PHACTR2: variants seen among roughly 807,000 people sequenced by gnomAD.
The protein encoded by PHACTR2 is chromosome 6 open reading frame 56.
Under a neutral mutation model 76.0 loss-of-function variants are expected in PHACTR2, and 30 were observed. That is an observed-to-expected ratio of 0.39 (90% confidence interval 0.30 to 0.54). PHACTR2 has a LOEUF of 0.54. PHACTR2 is among the 20% of genes least tolerant of loss of function. The pLI is 0.61. For synonymous variants in PHACTR2, 292 were observed against 292.5 expected (o/e 1.00, Z 0.02); for missense variants, 696 against 781.1 (o/e 0.89, Z 1.30).
At chr6:143,601,251 A>C (rs1478591765) in intron 1 of PHACTR2, among the ~76,000 whole-genome samples, 1 of 152,270 alleles carries the variant, frequency 6.6e-6, no homozygotes, top group African/African-American at 2.4e-5. Context: ...AAGAAAGCCC[A>C]GAATCTTCTT....
chr6:143,627,129 A>G lies in PHACTR2; in HGVS notation c.13+18807A>G, dbSNP rs977185696. Among the ~76,000 whole-genome samples, 24 of 152,196 alleles carry G rather than the reference A, an allele frequency of 1.6e-4. No homozygotes were observed. Among genetic ancestry groups the G allele is most frequent in the African/African-American group, 5.8e-4 (24 of 41,452 alleles). ...GGAAGTGCTTAGGTATCTATGAACC[A>G]AACAAGTTAGAAGGTCCAGGAGGGA... is the stretch of plus-strand genomic sequence containing the variant. On this transcript the variant is annotated intron_variant, in intron 1 of 11. Coordinates refer to the PHACTR2 transcript ENST00000305766. This position sits in a 1 kb window ranked among gnomAD's most constrained non-coding sequence, Gnocchi z 4.3.
intron 2 of PHACTR2, among the ~76,000 whole-genome samples, chr6:143,729,783 T>C (rs1380749176): frequency 1.3e-5 from 2 of 152,174 alleles, no homozygotes; most frequent in Non-Finnish European, 2.9e-5. Context: ...TTGGTGATAT[T>C]TTCTGCCAGG....
rs1166912214 is a variant in PHACTR2, at chr6:143,739,281, T to C, written c.215-9704T>C. On this transcript the variant is annotated intron_variant, in intron 2 of 12. Transcript: ENST00000440869. The surrounding 1 kb of genome is among the most constrained non-coding windows in gnomAD (Gnocchi z 4.3). The stretch of plus-strand genomic sequence containing the variant: ...GGTTTCACCATGTTAGCCAGGATGG[T>C]CTCGATCTGCTGACCTCATGATCCA... 6.6e-6 allele frequency among the ~76,000 whole-genome samples: 1 copy of C among 152,160 alleles called. No homozygotes were observed. Among genetic ancestry groups the C allele is most frequent in the African/African-American group, 2.4e-5 (1 of 41,430 alleles).
At position 143,671,255 on chromosome 6, in the gene PHACTR2, G is replaced by A. The variant is rs540970894; in HGVS notation, c.14-40761G>A. On this transcript the variant is annotated intron_variant, in intron 1 of 11. Transcript: ENST00000305766. This position sits in a 1 kb window ranked among gnomAD's most constrained non-coding sequence, Gnocchi z 4.6. ...CCAAAGTCTTTATAGTTAACTGCAA[G>A]GTCCTATGTGGTTATAATCTCCTTC... Among the ~76,000 whole-genome samples the A allele has an allele frequency of 6.6e-6, 1 of 152,100 alleles. No individual in the cohort carries two copies. The highest frequency in any genetic ancestry group is 2.1e-4 in the South Asian group (1 of 4,798).
At chr6:143,704,487 T>G (rs899662280) in intron 1 of PHACTR2, among the ~76,000 whole-genome samples, 1 of 152,184 alleles carries the variant, frequency 6.6e-6, no homozygotes, top group Non-Finnish European at 1.5e-5. Context: ...GAAAAAAATC[T>G]TTATCCTCAT....
chr6:143,712,845 G>A (rs1251067755), intron 2 of PHACTR2, among the ~76,000 whole-genome samples: 1 of 152,142 alleles, frequency 6.6e-6, no homozygotes, highest in Non-Finnish European at 1.5e-5. Flanking sequence ...AATTTAGTTT[G>A]TAGATTTGTG....
At chr6:143,768,599 T>C (rs541412066) in intron 6 of PHACTR2, among the ~76,000 whole-genome samples, 1 of 152,308 alleles carries the variant, frequency 6.6e-6, no homozygotes, top group South Asian at 2.1e-4. Context: ...CACAAATATT[T>C]AAGGAGTTCA....
rs1562679286 is a variant in PHACTR2, at chr6:143,544,268, G to GGGAGGGGGAAAGAAGGAAGGAAGGCA, written c.217+7063_217+7064insAGGGGGAAAGAAGGAAGGAAGGCAGG. Among the ~76,000 whole-genome samples the GGGAGGGGGAAAGAAGGAAGGAAGGCA allele has an allele frequency of 1.3e-4, 17 of 131,232 alleles. No individual in the cohort carries two copies. The East Asian group carries it at 4.1e-3, about 31-fold the overall frequency. 86.1% of individuals were successfully genotyped at this position (131,232 alleles called of 152,430 possible). The stretch of plus-strand genomic sequence containing the variant: ...GGAGGGAGTGGGAAGGAAGGAAGGC[G>GGGAGGGGGAAAGAAGGAAGGAAGGCA]GGCAGGCTCCCATATCAAATAAAAC... On this transcript the variant is annotated intron_variant, in intron 1 of 11. Transcript: ENST00000367584.
At chr6:143,735,686 C>T (rs939152421) in intron 2 of PHACTR2, among the ~76,000 whole-genome samples, 13 of 149,886 alleles carry the variant, frequency 8.7e-5, no homozygotes, top group Non-Finnish European at 1.6e-4. Context: ...AAAGTTTAAT[C>T]ACCTGTGTTA....
At chr6:143,712,622 G>T (rs547470197) in intron 2 of PHACTR2, among the ~76,000 whole-genome samples, 1 of 151,698 alleles carries the variant, frequency 6.6e-6, no homozygotes, top group Non-Finnish European at 1.5e-5. Context: ...TACACATAAC[G>T]TAATGTTAAC....
chr6:143,579,862 C>G (rs1221648434), intron 1 of PHACTR2, among the ~76,000 whole-genome samples: 3 of 152,166 alleles, frequency 2.0e-5, no homozygotes, highest in Non-Finnish European at 2.9e-5. Flanking sequence ...CAGGATCTCT[C>G]CCAGATTGCA....
Position 143,742,376 on chromosome 6 carries a change from C to G in PHACTR2, c.215-6609C>G, listed in dbSNP as rs1351854171. 2.0e-5 allele frequency among the ~76,000 whole-genome samples: 3 copies of G among 152,186 alleles called. No individual in the cohort carries two copies. Among genetic ancestry groups the G allele is most frequent in the African/African-American group, 7.2e-5 (3 of 41,440 alleles). ...GTTGTTAACTTCAGTTCTCCTCTTGCGGAGGCAAGGTGGCCACTAGCCACT... is the reference window on the plus strand; with the variant it reads ...GTTGTTAACTTCAGTTCTCCTCTTGGGGAGGCAAGGTGGCCACTAGCCACT... On this transcript the variant is annotated intron_variant, in intron 2 of 12. Transcript: ENST00000440869. The surrounding 1 kb of genome is among the most constrained non-coding windows in gnomAD (Gnocchi z 4.5).
chr6:143,667,758 G>A (rs1484066637), intron 1 of PHACTR2, among the ~76,000 whole-genome samples: 2 of 152,200 alleles, frequency 1.3e-5, no homozygotes, highest in Non-Finnish European at 2.9e-5. Flanking sequence ...TTGCTTATCA[G>A]CTTAAGGAGA....
In PHACTR2 at chr6:143,823,671, C is replaced by T. The variant is rs1337106475; in HGVS notation, c.1923-3C>T. Reference sequence around the variant, plus strand: ...GGCTTATAGTTTCTATTTCTTACTCCAGGTTTCATCGTCCATAACGAAGAG... The same window carrying T: ...GGCTTATAGTTTCTATTTCTTACTCTAGGTTTCATCGTCCATAACGAAGAG... On this transcript the variant is annotated splice_region_variant and splice_polypyrimidine_tract_variant and intron_variant, in intron 12 of 12. Coordinates refer to ENST00000440869, the MANE Select transcript of PHACTR2 (RefSeq NM_001100164.2). The surrounding 1 kb of genome is among the most constrained non-coding windows in gnomAD (Gnocchi z 5.7). The T allele has an allele frequency of 1.9e-6, 3 of 1,610,992 alleles. No homozygotes were observed. In the East Asian group the frequency reaches 6.7e-5, roughly 36 times the overall value.
At chr6:143,725,964 T>C (rs1778559559) in intron 2 of PHACTR2, among the ~76,000 whole-genome samples, 1 of 152,224 alleles carries the variant, frequency 6.6e-6, no homozygotes, top group African/African-American at 2.4e-5. Flanking sequence ...TTTTGTTGAA[T>C]AGTATTTCAT....
rs180687347 is a variant in PHACTR2, at chr6:143,577,552, C to A, written c.217+40345C>A. Among the ~76,000 whole-genome samples, 14 of 152,226 alleles carry A rather than the reference C, an allele frequency of 9.2e-5. No individual in the cohort carries two copies. In the East Asian group the frequency reaches 2.3e-3, roughly 25 times the overall value. On this transcript the variant is annotated intron_variant, in intron 1 of 11. Coordinates refer to the PHACTR2 transcript ENST00000367584. ...GAGCAGAGGCATTGAGATGAGAATG[C>A]CCCGTGTGAGTTTTCAGTTTCGCTG...
Position 143,619,261 on chromosome 6 carries a change from C to A in PHACTR2, c.13+10939C>A, listed in dbSNP as rs917795195. On this transcript the variant is annotated intron_variant, in intron 1 of 11. Transcript: ENST00000305766. The surrounding 1 kb of genome is among the most constrained non-coding windows in gnomAD (Gnocchi z 4.5). ...AGAGCCCTACCAGCCCCACTCCAGA[C>A]CTAGTTAATTCAGAATCTCCCATGG... is the stretch of plus-strand genomic sequence containing the variant. Among the ~76,000 whole-genome samples the A allele has an allele frequency of 6.6e-6, 1 of 152,152 alleles. No individual in the cohort carries two copies. Among genetic ancestry groups the A allele is most frequent in the African/African-American group, 2.4e-5 (1 of 41,440 alleles).
At position 143,608,213 on chromosome 6, in the gene PHACTR2, G is replaced by GTGGCA. The variant is rs557952561; in HGVS notation, c.-97_-96insTGGCA. The GTGGCA allele has an allele frequency of 6.1e-5, 77 of 1,261,432 alleles. No homozygotes were observed. In the South Asian group the frequency reaches 8.0e-4, roughly 13 times the overall value. 78.1% of individuals were successfully genotyped at this position (1,261,432 alleles called of 1,614,324 possible). Reference sequence around the variant, plus strand: ...AAGTATGCTCAGTGTGCCAGCAAGGGCTGATAATCAGCAGAAGGACAGGGT... The same window carrying GTGGCA: ...AAGTATGCTCAGTGTGCCAGCAAGGGTGGCACTGATAATCAGCAGAAGGACAGGGT... On this transcript the variant is annotated 5_prime_UTR_variant, in exon 1 of 12. Transcript: ENST00000305766. The surrounding 1 kb of genome is among the most constrained non-coding windows in gnomAD (Gnocchi z 4.6).
chr6:143,681,730 G>A (rs550882389), intron 1 of PHACTR2, among the ~76,000 whole-genome samples: 23 of 152,280 alleles, frequency 1.5e-4, no homozygotes, highest in African/African-American at 5.3e-4. Flanking sequence ...GTTACATTTA[G>A]GTCAGTAATA....
Sources: gnomAD v4.1 joint callset for allele counts (sites outside exome capture counted in the v4.1 genomes callset) on GRCh38, gnomAD v4.1.1 for gene constraint, Gnocchi (gnomAD v3.1) non-coding constraint, MANE v1.5 for transcripts, NCBI Gene and HGNC (gene_info 2026-07-23, HGNC 2026-07-21) for gene names.